The following SUN1 variants were observed in gnomAD, a reference collection of about 807,000 sequenced individuals.
SUN1 encodes Sad1 and UNC84 domain containing 1.
In SUN1, 61 loss-of-function variants were observed where a neutral mutation model predicts 103.2. That is an observed-to-expected ratio of 0.59 (90% confidence interval 0.48 to 0.73). SUN1 has a LOEUF of 0.73. SUN1 is among the 30% of genes least tolerant of loss of function. The pLI is 0.00. For missense variants in SUN1, 1,052 were observed against 1,034.6 expected, an observed-to-expected ratio of 1.02 and a Z score of -0.23; for synonymous variants, 490 against 425.7, an observed-to-expected ratio of 1.15 and a Z score of -1.86.
At chr7:853,292 C>G (rs566544188) in intron 9 of SUN1, 117 bp from the exon 10 acceptor site, 2 of 1,170,298 alleles carry the variant, frequency 1.7e-6, no homozygotes, top group Admixed American at 3.9e-5. Flanking sequence ...TTCCTCCATT[C>G]GTGTGCCGTG....
At chr7:848,158 C>A (rs1818310840) in intron 5 of SUN1, among the ~76,000 whole-genome samples, 1 of 150,212 alleles carries the variant, frequency 6.7e-6, no homozygotes, top group African/African-American at 2.4e-5. Context: ...CCAGGATCCC[C>A]TGGGGGTTAC....
intron 1 of SUN1, among the ~76,000 whole-genome samples, chr7:835,082 T>A (rs911946336): frequency 1.3e-5 from 2 of 152,218 alleles, no homozygotes; most frequent in African/African-American, 4.8e-5. Context: ...TCTCAAAAAG[T>A]AAACAAAATA....
In SUN1 at chr7:866,130, G is replaced by T. The variant is rs944815279; in HGVS notation, c.1980+63G>T. 1.7e-5 allele frequency: 24 copies of T among 1,423,328 alleles called. No homozygotes were observed. In the East Asian group the frequency reaches 5.3e-4, roughly 31 times the overall value. 88.2% of individuals were successfully genotyped at this position (1,423,328 alleles called of 1,614,324 possible). A position where few individuals can be genotyped will look rare whatever the true frequency, so the allele number is the denominator to read the frequency against. On this transcript the variant is annotated intron_variant, in intron 16 of 18. Coordinates refer to ENST00000401592, the MANE Select transcript of SUN1 (RefSeq NM_001130965.3). Reference sequence around the variant, plus strand: ...GCATGGACTCGGTTAGTGTTCACGGGTCGTAGGTCCACAGCTCCATGGAAC... The same window carrying T: ...GCATGGACTCGGTTAGTGTTCACGGTTCGTAGGTCCACAGCTCCATGGAAC...
chr7:845,738 A>G (rs978114122), intron 5 of SUN1, among the ~76,000 whole-genome samples: 1 of 152,338 alleles, frequency 6.6e-6, no homozygotes, highest in East Asian at 1.9e-4. Flanking sequence ...AGTAGTACAG[A>G]TAAAATAAGT....
chr7:838,615 C>T (rs574168411), intron 1 of SUN1, among the ~76,000 whole-genome samples, 183 bp from the exon 2 acceptor site: 5 of 152,326 alleles, frequency 3.3e-5, no homozygotes, highest in African/African-American at 1.2e-4. Context: ...GGGCAGATGT[C>T]AGGAGCCCAT....
chr7:843,979 C>G, intron 5 of SUN1: 3 of 810,410 alleles, frequency 3.7e-6, no homozygotes, highest in Non-Finnish European at 4.6e-6. Context: ...GATGGAGGGG[C>G]CTTCAGAGAA....
At chr7:858,797 A>G (rs1829832658) in intron 13 of SUN1, among the ~76,000 whole-genome samples, 1 of 152,228 alleles carries the variant, frequency 6.6e-6, no homozygotes. Flanking sequence ...ACGTGTGGTA[A>G]GATTATCTCT....
intron 1 of SUN1, among the ~76,000 whole-genome samples, chr7:819,554 C>G (rs1262319513): frequency 6.6e-6 from 1 of 152,058 alleles, no homozygotes; most frequent in Non-Finnish European, 1.5e-5. Context: ...TTCTTTTGCA[C>G]GTGGATTTTG....
intron 11 of SUN1, among the ~76,000 whole-genome samples, 195 bp from the exon 12 acceptor site, chr7:856,160 GCTC>G (rs1464995182): frequency 6.6e-6 from 1 of 152,224 alleles, no homozygotes; most frequent in Non-Finnish European, 1.5e-5. Context: ...TGTGATTTGT[GCTC>G]CTTTCTGCGC....
chr7:850,076 A>G (rs760259773), intron 5 of SUN1: 51 of 1,502,668 alleles, frequency 3.4e-5, no homozygotes, highest in East Asian at 2.9e-4. Context: ...CCCTGTCACC[A>G]TGCTATTTGT....
chr7:832,654 C>T (rs1023307776), intron 1 of SUN1, 53 bp downstream of exon 1: 29 of 1,470,546 alleles, frequency 2.0e-5, no homozygotes, highest in Admixed American at 1.5e-4. Flanking sequence ...CACTCGCTGT[C>T]GCGGTGGCGT....
intron 3 of SUN1, 104 bp from the exon 4 acceptor site, chr7:843,102 T>C: frequency 2.0e-6 from 3 of 1,517,896 alleles, no homozygotes; most frequent in Non-Finnish European, 2.7e-6. Flanking sequence ...TAATGCTGAT[T>C]TATTAACCAT....
intron 15 of SUN1, among the ~76,000 whole-genome samples, chr7:862,615 C>G (rs762470765): frequency 6.6e-6 from 1 of 152,190 alleles, no homozygotes; most frequent in Non-Finnish European, 1.5e-5. Context: ...TAAGAGGCAT[C>G]AATTGACATG....
chr7:851,138 AG>A (rs1821703807), intron 5 of SUN1: 3 of 306,738 alleles, frequency 9.8e-6, no homozygotes, highest in Non-Finnish European at 1.8e-5. Flanking sequence ...TTACACCTGA[AG>A]TATCTGCAGG....
chr7:821,371 T>C (rs988040841), intron 1 of SUN1, among the ~76,000 whole-genome samples: 2 of 152,166 alleles, frequency 1.3e-5, no homozygotes, highest in South Asian at 2.1e-4. Context: ...GGTTTCACCA[T>C]GTTGGTCAGG....
intron 1 of SUN1, 22 bp from the exon 2 acceptor site, chr7:838,776 C>T (rs1410468221): frequency 6.6e-7 from 1 of 1,525,818 alleles, no homozygotes; most frequent in Admixed American, 2.1e-5. Flanking sequence ...CTGCTTACCT[C>T]TGATGAGCTT....
chr7:826,207 GACA>G lies in SUN1; in HGVS notation c.-74+9535_-74+9537del. On this transcript the variant is annotated intron_variant, in intron 1 of 17. Coordinates refer to the SUN1 transcript ENST00000389574. Reference sequence around the variant, plus strand: ...ACGCCCCTGGCACTCTAGCCTGGGCGACAGAATGAGACCCTGTCTCTTAAAATA... The same window carrying G: ...ACGCCCCTGGCACTCTAGCCTGGGCGGAATGAGACCCTGTCTCTTAAAATA... 3.3e-5 allele frequency among the ~76,000 whole-genome samples: 5 copies of G among 150,842 alleles called. 1 individual carries two copies. The highest frequency in any genetic ancestry group is 3.3e-4 in the Admixed American group (5 of 15,160).
At chr7:822,186 T>C (rs985663785) in intron 1 of SUN1, among the ~76,000 whole-genome samples, 8 of 152,274 alleles carry the variant, frequency 5.3e-5, no homozygotes, top group African/African-American at 1.9e-4. Flanking sequence ...ACACTGTTTA[T>C]ATAATTGTAT....
chr7:829,180 G>C (rs1300885346), upstream of SUN1, among the ~76,000 whole-genome samples: 1 of 152,228 alleles, frequency 6.6e-6, no homozygotes, highest in Non-Finnish European at 1.5e-5. Flanking sequence ...CACTTACTGT[G>C]TGGTTACTGA....
Sources: allele counts gnomAD v4.1 joint callset (sites outside exome capture counted in the v4.1 genomes callset), GRCh38; gene constraint gnomAD v4.1.1; transcripts MANE v1.5; gene names NCBI Gene and HGNC (gene_info 2026-07-23, HGNC 2026-07-21).